The following PDE1A variants were observed in gnomAD, a reference collection of about 807,000 sequenced individuals.
PDE1A encodes the protein dual specificity calcium/calmodulin-dependent 3',5'-cyclic nucleotide phosphodiesterase 1A.
PDE1A carries 35 observed loss-of-function variants against 61.7 expected under a neutral mutation model. The ratio of observed to expected loss-of-function variants is 0.57; its 90% CI spans 0.43 to 0.75. PDE1A has a LOEUF of 0.75. Ranked by LOEUF, PDE1A falls within the 30% of genes least tolerant of loss-of-function variation. The pLI is 0.00. For synonymous variants in PDE1A, 232 were observed against 213.2 expected (o/e 1.09, Z -0.77); for missense variants, 597 against 630.6 (o/e 0.95, Z 0.57).
At chr2:182,565,867 C>T in the PDE1A span, among the ~76,000 whole-genome samples, 4 of 152,046 alleles carry the variant, frequency 2.6e-5, no homozygotes, top group African/African-American at 9.7e-5. Context: ...CTCCTTAATC[C>T]ACTCTTCGTA....
intron 9 of PDE1A, 28 bp downstream of exon 9, chr2:182,201,660 A>AAAC: frequency 1.3e-6 from 2 of 1,556,254 alleles, no homozygotes; most frequent in Non-Finnish European, 1.7e-6. Context: ...CAAAAAAAAA[A>AAAC]AAACAACAAA....
At chr2:182,292,377 T>A (rs560378865) in intron 1 of PDE1A, among the ~76,000 whole-genome samples, 1 of 152,162 alleles carries the variant, frequency 6.6e-6, no homozygotes, top group Admixed American at 6.5e-5. Context: ...AAAAAAATTA[T>A]CTTACTAGTT....
chr2:182,244,866 T>A (rs1237093995), intron 2 of PDE1A, among the ~76,000 whole-genome samples: 1 of 152,346 alleles, frequency 6.6e-6, no homozygotes, highest in East Asian at 1.9e-4. Flanking sequence ...TTCAGTTGTA[T>A]GTCTCTGTGT....
chr2:182,154,774 G>A (rs953087896), intron 13 of PDE1A, among the ~76,000 whole-genome samples: 4 of 152,026 alleles, frequency 2.6e-5, no homozygotes, highest in African/African-American at 9.7e-5. Context: ...AGCAGTGTGA[G>A]AACAGACTAC....
the PDE1A span, among the ~76,000 whole-genome samples, chr2:182,604,011 C>T: frequency 6.6e-6 from 1 of 151,352 alleles, no homozygotes; most frequent in Non-Finnish European, 1.5e-5. Flanking sequence ...TATACTATTC[C>T]TAGAAATTTA....
the PDE1A span, among the ~76,000 whole-genome samples, chr2:182,598,354 C>G: frequency 1.3e-5 from 2 of 152,104 alleles, no homozygotes; most frequent in Admixed American, 1.3e-4. Context: ...GAGGGATCAC[C>G]TAAGGCCAGG....
At chr2:182,227,948 G>C (rs1379284561) in intron 6 of PDE1A, among the ~76,000 whole-genome samples, 1 of 152,124 alleles carries the variant, frequency 6.6e-6, no homozygotes, top group Non-Finnish European at 1.5e-5. Flanking sequence ...AAAGGAACTA[G>C]ATTTACAGTC....
intron 2 of PDE1A, among the ~76,000 whole-genome samples, chr2:182,500,837 T>C (rs1689043284): frequency 6.6e-6 from 1 of 152,198 alleles, no homozygotes; most frequent in Admixed American, 6.5e-5. Context: ...ATGACACTAA[T>C]TGTGACAAAA....
rs186127238 is a variant in PDE1A at position 182,282,367 on chromosome 2, T to C, written c.54-17953A>G. ...CAAGTTAGTGACCTGGGTCCTCTGA[T>C]GTTCTGCCCTAATTTTAGCTATCAA... On this transcript the variant is annotated intron_variant, in intron 1 of 13. Coordinates refer to ENST00000351439, the Ensembl canonical transcript of PDE1A. Among the ~76,000 whole-genome samples the C allele has an allele frequency of 1.1e-3, 161 of 152,132 alleles. 1 individual carries two copies. The highest frequency in any genetic ancestry group is 3.8e-3 in the African/African-American group (158 of 41,546).
the PDE1A span, among the ~76,000 whole-genome samples, chr2:182,695,258 T>G: frequency 6.6e-6 from 1 of 151,750 alleles, no homozygotes; most frequent in Non-Finnish European, 1.5e-5. Flanking sequence ...AGAAGAGAGG[T>G]CAGAGGGCAA....
intron 1 of PDE1A, among the ~76,000 whole-genome samples, chr2:182,400,311 CTT>C (rs1203508722): frequency 6.6e-6 from 1 of 152,116 alleles, no homozygotes; most frequent in Non-Finnish European, 1.5e-5. Flanking sequence ...AGTTAGCAAC[CTT>C]TCTGACATGG....
intron 2 of PDE1A, among the ~76,000 whole-genome samples, chr2:182,464,449 G>A (rs888535399): frequency 1.3e-5 from 2 of 152,070 alleles, no homozygotes; most frequent in African/African-American, 4.8e-5. Flanking sequence ...GGAGAATTCT[G>A]CTTAAACTGA....
intron 1 of PDE1A, among the ~76,000 whole-genome samples, chr2:182,321,044 T>C (rs998873904): frequency 6.6e-6 from 1 of 152,188 alleles, no homozygotes; most frequent in African/African-American, 2.4e-5. Context: ...GCTTAAATAA[T>C]CTGCTATCAA....
chr2:182,606,467 C>A, the PDE1A span, among the ~76,000 whole-genome samples: 1 of 152,166 alleles, frequency 6.6e-6, no homozygotes, highest in African/African-American at 2.4e-5. Context: ...TGTGAGCCAC[C>A]GTGCCCAGCC....
intron 13 of PDE1A, among the ~76,000 whole-genome samples, chr2:182,172,951 C>G (rs1692374023): frequency 1.3e-5 from 2 of 151,954 alleles, no homozygotes; most frequent in Non-Finnish European, 2.9e-5. Context: ...AGCAAACATT[C>G]CAGGGTACAA....
chr2:182,565,781 A>G, the PDE1A span, among the ~76,000 whole-genome samples: 1 of 152,176 alleles, frequency 6.6e-6, no homozygotes, highest in Non-Finnish European at 1.5e-5. Flanking sequence ...TTGAATTTCC[A>G]GTAAAAGTTC....
At chr2:182,304,292 C>T (rs1695439375) in intron 1 of PDE1A, among the ~76,000 whole-genome samples, 1 of 152,166 alleles carries the variant, frequency 6.6e-6, no homozygotes, top group Admixed American at 6.5e-5. Flanking sequence ...GAGTCAAGGC[C>T]TTGCTCTGGA....
chr2:182,232,404 C>T (rs1412885682), intron 4 of PDE1A, among the ~76,000 whole-genome samples: 1 of 152,128 alleles, frequency 6.6e-6, no homozygotes, highest in African/African-American at 2.4e-5. Context: ...TGAGTAGGCA[C>T]GTTTCAAATT....
rs1460786874 is a variant in PDE1A at position 182,449,087 on chromosome 2, A to ACACACACACACACAC, written c.101+73188_101+73189insGTGTGTGTGTGTGTG. Among the ~76,000 whole-genome samples the ACACACACACACACAC allele has an allele frequency of 1.7e-4, 24 of 140,992 alleles. 1 individual carries two copies. Among genetic ancestry groups the ACACACACACACACAC allele is most frequent in the East Asian group, 1.0e-3 (5 of 4,818 alleles). 92.5% of individuals were successfully genotyped at this position (140,992 alleles called of 152,430 possible). ...ACACACACACACACACACACACACA[A>ACACACACACACACAC]ACAAAACCCAGGAAATCCTTCTAAA... On this transcript the variant is annotated intron_variant, in intron 2 of 14. Coordinates refer to the PDE1A transcript ENST00000410103.
Sources: allele counts gnomAD v4.1 joint callset (sites outside exome capture counted in the v4.1 genomes callset), GRCh38; gene constraint gnomAD v4.1.1; transcripts MANE v1.5; gene names NCBI Gene and HGNC (gene_info 2026-07-23, HGNC 2026-07-21).